Variants in PKP4 observed in about 807,000 individuals in gnomAD.
The protein encoded by PKP4 is plakophilin-4.
PKP4 carries 90 observed loss-of-function variants against 145.1 expected under a neutral mutation model. That is an observed-to-expected ratio of 0.62 (90% CI 0.52 to 0.74). The LOEUF is 0.74. Among genes scored for constraint, PKP4 ranks in the 30% least tolerant of loss-of-function variants. PKP4 has a pLI of 0.00. For missense variants in PKP4, 1,340 were observed against 1,482.7 expected (o/e 0.90, Z 1.58); for synonymous variants, 563 against 577.2 (o/e 0.98, Z 0.35).
chr2:158,519,604 C>A (rs574744692), intron 1 of PKP4, among the ~76,000 whole-genome samples: 2 of 152,326 alleles, frequency 1.3e-5, no homozygotes, highest in South Asian at 2.1e-4. Flanking sequence ...CTAAAGCCAG[C>A]CTTTGCCTCT....
chr2:158,502,385 C>A (rs1696713608), intron 1 of PKP4, among the ~76,000 whole-genome samples: 1 of 152,128 alleles, frequency 6.6e-6, no homozygotes, highest in Non-Finnish European at 1.5e-5. Flanking sequence ...CAAAAAGTTT[C>A]CAAAGAAGTT....
intron 2 of PKP4, among the ~76,000 whole-genome samples, chr2:158,576,195 G>C (rs1176172926): frequency 6.6e-6 from 1 of 152,178 alleles, no homozygotes; most frequent in African/African-American, 2.4e-5. Flanking sequence ...ATGTTTGCCT[G>C]ATTTCACAGG....
chr2:158,473,735 G>A (rs1357492989), intron 1 of PKP4, among the ~76,000 whole-genome samples: 3 of 152,014 alleles, frequency 2.0e-5, no homozygotes, highest in South Asian at 4.1e-4. Flanking sequence ...GAAATAATAT[G>A]TACAACATAC....
intron 1 of PKP4, among the ~76,000 whole-genome samples, chr2:158,501,879 T>C (rs1696635268): frequency 6.6e-6 from 1 of 152,116 alleles, no homozygotes; most frequent in Non-Finnish European, 1.5e-5. Flanking sequence ...CTTCCTACTT[T>C]TCAGTCCTTG....
intron 2 of PKP4, among the ~76,000 whole-genome samples, chr2:158,551,761 T>C (rs778644829): frequency 1.6e-4 from 25 of 152,248 alleles, no homozygotes; most frequent in Non-Finnish European, 3.2e-4. Context: ...ATTATACTTA[T>C]TCGTAAGTGA....
rs868589056 is a variant in PKP4 at position 158,631,495 on chromosome 2, A to C, written c.1154-258A>C. On this transcript the variant is annotated intron_variant, in intron 7 of 21. Transcript: ENST00000389759. ...ACATTCTGGGTTCAAGCAATCTTCC[A>C]GTTTCAGACTCCTGAGTAGCTGGGA... 7.9e-5 allele frequency among the ~76,000 whole-genome samples: 12 copies of C among 151,958 alleles called. No homozygotes were observed. The South Asian group carries it at 2.1e-3, about 26-fold the overall frequency.
intron 4 of PKP4, among the ~76,000 whole-genome samples, chr2:158,604,380 T>C (rs1349812272): frequency 2.0e-5 from 3 of 152,144 alleles, no homozygotes; most frequent in East Asian, 3.8e-4. Flanking sequence ...CTTTATACTC[T>C]CTCCGTGATC....
At position 158,661,647 on chromosome 2, in the gene PKP4, G is replaced by T. The variant is rs141834336; in HGVS notation, c.2211+197G>T. 3.0e-5 allele frequency: 14 copies of T among 472,394 alleles called. No individual in the cohort carries two copies. In the East Asian group the frequency reaches 5.1e-4, roughly 17 times the overall value. 29.3% of individuals were successfully genotyped at this position (472,394 alleles called of 1,614,324 possible). A position where few individuals can be genotyped will look rare whatever the true frequency, so the allele number is the denominator to read the frequency against. On this transcript the variant is annotated intron_variant, in intron 13 of 21. Coordinates refer to ENST00000389759, the MANE Select transcript of PKP4 (RefSeq NM_003628.6). ...CTTAAGAAAATATCCTGAGAACCGTGAGAACAGAGTGGCTTGGTGTGGTAA... is the reference window on the plus strand; with the variant it reads ...CTTAAGAAAATATCCTGAGAACCGTTAGAACAGAGTGGCTTGGTGTGGTAA...
intron 1 of PKP4, among the ~76,000 whole-genome samples, chr2:158,471,020 A>T (rs1179266597): frequency 1.3e-5 from 2 of 152,142 alleles, no homozygotes; most frequent in Non-Finnish European, 2.9e-5. Flanking sequence ...TGCTTGCTAC[A>T]AACACAGCTT....
rs780955276 is a variant in PKP4 at position 158,533,275 on chromosome 2, G to A, written c.91G>A (p.Glu31Lys). Residue 31 changes from glutamate to lysine, a missense_variant, in exon 2 of 22, where the codon GAG becomes AAG. Glu to Lys is a moderately conservative substitution (Grantham distance 56, BLOSUM62 1). Coordinates refer to ENST00000389759, the MANE Select transcript of PKP4 (RefSeq NM_003628.6). ...AASTGPGMEP[E>K]TTATTILASV... ...CTCCACTGGCCCAGGCATGGAACCCGAGACCACAGCCACCACTATTCTAGC... is the reference window on the plus strand; with the variant it reads ...CTCCACTGGCCCAGGCATGGAACCCAAGACCACAGCCACCACTATTCTAGC... The A allele has an allele frequency of 4.3e-6, 7 of 1,614,042 alleles. No homozygotes were observed. Among genetic ancestry groups the A allele is most frequent in the South Asian group, 3.3e-5 (3 of 91,086 alleles).
At chr2:158,648,435 T>C (rs985589460) in intron 11 of PKP4, among the ~76,000 whole-genome samples, 5 of 152,222 alleles carry the variant, frequency 3.3e-5, no homozygotes, top group Non-Finnish European at 7.3e-5. Flanking sequence ...ATTAGTCTTA[T>C]ATACTATAAA....
At chr2:158,572,118 C>CA (rs1364023796) in intron 2 of PKP4, among the ~76,000 whole-genome samples, 7 of 151,880 alleles carry the variant, frequency 4.6e-5, no homozygotes, top group African/African-American at 1.7e-4. Flanking sequence ...CATGCAGGAA[C>CA]AGACATGAAA....
chr2:158,516,070 G>A (rs2041918156), intron 1 of PKP4, among the ~76,000 whole-genome samples: 1 of 150,996 alleles, frequency 6.6e-6, no homozygotes, highest in African/African-American at 2.4e-5. Context: ...ATACACATGA[G>A]GGTCTCTGGT....
At chr2:158,676,373 A>G (rs1056771739) in intron 19 of PKP4, among the ~76,000 whole-genome samples, 2 of 152,256 alleles carry the variant, frequency 1.3e-5, no homozygotes, top group African/African-American at 4.8e-5. Context: ...TAACTCTTGC[A>G]TGGCTAGTAA....
intron 2 of PKP4, among the ~76,000 whole-genome samples, chr2:158,567,778 A>G (rs2047112755): frequency 6.6e-6 from 1 of 152,230 alleles, no homozygotes; most frequent in African/African-American, 2.4e-5. Flanking sequence ...AGAAGACTTA[A>G]TGAGTTTTTG....
At chr2:158,568,931 C>A (rs1467951541) in intron 2 of PKP4, among the ~76,000 whole-genome samples, 1 of 152,188 alleles carries the variant, frequency 6.6e-6, no homozygotes, top group Admixed American at 6.5e-5. Flanking sequence ...CAAGATCATG[C>A]CACTACACTC....
chr2:158,519,799 T>C (rs1414045338), intron 1 of PKP4, among the ~76,000 whole-genome samples: 1 of 152,214 alleles, frequency 6.6e-6, no homozygotes, highest in Admixed American at 6.5e-5. Flanking sequence ...AAATTTATGC[T>C]CATCTTGCCT....
At chr2:158,644,401 A>G (rs2054629115) in intron 11 of PKP4, among the ~76,000 whole-genome samples, 1 of 152,178 alleles carries the variant, frequency 6.6e-6, no homozygotes, top group African/African-American at 2.4e-5. Context: ...ATTCAAGGAT[A>G]CTTGAGATTG....
chr2:158,624,732 G>T (rs1010004659), intron 6 of PKP4, 146 bp from the exon 7 acceptor site: 3 of 567,202 alleles, frequency 5.3e-6, no homozygotes, highest in Non-Finnish European at 5.8e-6. Flanking sequence ...TTAATGTCTG[G>T]CTCAAAGCAT....
Sources: allele counts gnomAD v4.1 joint callset (sites outside exome capture counted in the v4.1 genomes callset), GRCh38; gene constraint gnomAD v4.1.1; transcripts MANE v1.5; gene names NCBI Gene and HGNC (gene_info 2026-07-23, HGNC 2026-07-21).